The following IQSEC3 variants were observed in gnomAD, a reference collection of about 807,000 sequenced individuals.
IQSEC3 encodes IQ motif and SEC7 domain-containing protein 3.
A neutral mutation model predicts 105.4 loss-of-function variants in IQSEC3; 50 were observed. That is an observed-to-expected ratio of 0.47 (90% CI 0.38 to 0.60). IQSEC3 has a LOEUF of 0.60. Among genes scored for constraint, IQSEC3 ranks in the 20% least tolerant of loss-of-function variants. The pLI, the probability that IQSEC3 is intolerant of heterozygous loss-of-function variation, is 0.00. For synonymous variants in IQSEC3, 708 were observed against 746.0 expected (o/e 0.95, Z 0.83); for missense variants, 1,415 against 1,630.0 (o/e 0.87, Z 2.27).
At chr12:171,264 C>A in intron 13 of IQSEC3, 103 bp downstream of exon 13, 2 of 1,613,930 alleles carry the variant, frequency 1.2e-6, no homozygotes, top group East Asian at 4.5e-5. Context: ...TCAATGCCTC[C>A]CCAGCCCGAC....
intron 3 of IQSEC3, among the ~76,000 whole-genome samples, chr12:127,889 C>T (rs1159219060): frequency 6.6e-6 from 1 of 152,120 alleles, no homozygotes; most frequent in Non-Finnish European, 1.5e-5. Flanking sequence ...TAATTAGATC[C>T]CATTTGTCAA....
At chr12:116,750 G>A (rs11064563) in intron 2 of IQSEC3, among the ~76,000 whole-genome samples, 19,230 of 152,028 alleles carry the variant, frequency 0.13, 1,728 homozygotes, top group East Asian at 0.4. Flanking sequence ...AGGCTCCCAC[G>A]AGGCTCCTGA....
At position 129,587 on chromosome 12, in the gene IQSEC3, C is replaced by T. The variant is rs1446614992; in HGVS notation, c.903+3675C>T. On this transcript the variant is annotated intron_variant, in intron 3 of 13. Transcript: ENST00000538872. The stretch of plus-strand genomic sequence containing the variant: ...GGCCAAGGAGTGAGCATGCAGGTCC[C>T]TTTGGGGAGCCCTTTAGGAATAGAG... Among the ~76,000 whole-genome samples, 5 of 139,246 alleles carry T rather than the reference C, an allele frequency of 3.6e-5. No homozygotes were observed. The East Asian group carries it at 8.5e-4, about 24-fold the overall frequency. The allele number at this position is 139,246 out of a possible 152,430, so 91.4% of individuals were successfully genotyped here. A position where few individuals can be genotyped will look rare whatever the true frequency, so the allele number is the denominator to read the frequency against.
In IQSEC3 at chr12:161,953, G is replaced by C; in HGVS notation, c.2471G>C (p.Arg824Thr). 6.2e-7 allele frequency: 1 copy of C among 1,600,066 alleles called. No individual in the cohort carries two copies. The highest frequency in any genetic ancestry group is 1.7e-5 in the Admixed American group (1 of 59,414). Residue 824 changes from arginine to threonine, a missense_variant, in exon 8 of 14, where the codon AGG becomes ACG. By Grantham distance (71) the Arg-to-Thr change is moderately conservative. Around this residue, in one of 6 missense-constraint regions of IQSEC3, gnomAD observed 213 missense variants for 306.2 expected, o/e 0.70. Transcript: ENST00000538872. The stretch of plus-strand genomic sequence containing the variant: ...GTGGACGATGGCGCTGACATCCCCA[G>C]GGAGCTGGTGGTAGGCATCTATGAG... ...RGVDDGADIPRELVVGIYERI... is the reference protein window; with the variant it reads ...RGVDDGADIPTELVVGIYERI...
intron 1 of IQSEC3, among the ~76,000 whole-genome samples, chr12:78,608 G>A (rs1263803867): frequency 3.3e-5 from 5 of 152,130 alleles, no homozygotes; most frequent in African/African-American, 4.8e-5. Flanking sequence ...AGGGCTGTAG[G>A]TCTCCTCAGC....
At chr12:108,099 C>A (rs1344130574) in intron 2 of IQSEC3, among the ~76,000 whole-genome samples, 1 of 149,814 alleles carries the variant, frequency 6.7e-6, no homozygotes, top group African/African-American at 2.5e-5. Context: ...GTTCCCTAAC[C>A]CTAACCCTAA....
At chr12:163,463 C>T (rs1555097044) in intron 8 of IQSEC3, 31 bp from the exon 9 acceptor site, 1 of 1,576,534 alleles carries the variant, frequency 6.3e-7, no homozygotes, top group South Asian at 1.1e-5. Context: ...GGCCTCTGGT[C>T]TCTCCCGCTG....
chr12:126,572 T>C (rs183771173), intron 3 of IQSEC3, among the ~76,000 whole-genome samples: 35 of 151,500 alleles, frequency 2.3e-4, no homozygotes, highest in Admixed American at 6.6e-4. Context: ...TGTGTGTGTG[T>C]GCGCTTAGAG....
chr12:68,733 T>G (rs1306388896), intron 1 of IQSEC3, among the ~76,000 whole-genome samples: 1 of 152,196 alleles, frequency 6.6e-6, no homozygotes, highest in Non-Finnish European at 1.5e-5. Context: ...GGGAGATACT[T>G]GTGAATATTT....
chr12:75,010 G>A (rs1243800188), intron 1 of IQSEC3, among the ~76,000 whole-genome samples: 1 of 152,274 alleles, frequency 6.6e-6, no homozygotes, highest in East Asian at 1.9e-4. Context: ...ATAACCCCAG[G>A]GAGGTCCCCG....
intron 1 of IQSEC3, among the ~76,000 whole-genome samples, chr12:73,622 A>G (rs1361532560): frequency 1.3e-5 from 2 of 152,164 alleles, no homozygotes; most frequent in Non-Finnish European, 2.9e-5. Flanking sequence ...GTGAGCTGAG[A>G]TTGCGCCACT....
chr12:114,859 C>G (rs1865001702), intron 2 of IQSEC3, among the ~76,000 whole-genome samples: 1 of 152,210 alleles, frequency 6.6e-6, no homozygotes, highest in Non-Finnish European at 1.5e-5. Flanking sequence ...CAAAGTGTGT[C>G]CTGCAGAGAC....
intron 5 of IQSEC3, among the ~76,000 whole-genome samples, chr12:151,111 C>T (rs1310089614): frequency 1.5e-5 from 2 of 136,426 alleles, no homozygotes; most frequent in African/African-American, 5.3e-5. Flanking sequence ...TCCGTCTCTC[C>T]TCCAGCGTGT....
chr12:113,449 A>C (rs1864957187), intron 2 of IQSEC3, among the ~76,000 whole-genome samples: 1 of 152,278 alleles, frequency 6.6e-6, no homozygotes, highest in Non-Finnish European at 1.5e-5. Flanking sequence ...ACAGTGGAGC[A>C]GAGGCTTTAA....
chr12:172,271 G>A (rs1434410257), intron 13 of IQSEC3, among the ~76,000 whole-genome samples: 3 of 145,794 alleles, frequency 2.1e-5, no homozygotes, highest in Non-Finnish European at 4.5e-5. Context: ...ACCTTTACAA[G>A]GAGGAGCTTC....
At chr12:116,869 C>G (rs1470725617) in intron 2 of IQSEC3, among the ~76,000 whole-genome samples, 2 of 152,118 alleles carry the variant, frequency 1.3e-5, no homozygotes, top group Non-Finnish European at 2.9e-5. Flanking sequence ...AGGGAAGGAC[C>G]GACACAAATT....
chr12:84,066 C>T (rs1214671089), intron 1 of IQSEC3, among the ~76,000 whole-genome samples: 2 of 152,314 alleles, frequency 1.3e-5, no homozygotes, highest in South Asian at 4.1e-4. Context: ...TACACCCTGG[C>T]ATAGCTGTCC....
Position 125,775 on chromosome 12 carries a change from G to A in IQSEC3, c.766G>A (p.Gly256Arg). ...LQEEEERPGA[G>R]AASPRAGPQH... is the part of the protein sequence containing the mutation. Reference sequence around the variant, plus strand: ...GGAGGAGGAGGAGCGGCCGGGGGCAGGGGCTGCCTCCCCAAGGGCTGGCCC... The same window carrying A: ...GGAGGAGGAGGAGCGGCCGGGGGCAAGGGCTGCCTCCCCAAGGGCTGGCCC... Residue 256 changes from glycine to arginine, a missense_variant, in exon 3 of 14, where the codon GGG becomes AGG. By Grantham distance (125) the Gly-to-Arg change is moderately radical. Around this residue, in one of 6 missense-constraint regions of IQSEC3, gnomAD observed 720 missense variants for 633.0 expected, o/e 1.14. Coordinates refer to ENST00000538872, the MANE Select transcript of IQSEC3 (RefSeq NM_001170738.2). The A allele has an allele frequency of 5.9e-6, 9 of 1,513,948 alleles. No homozygotes were observed. The highest frequency in any genetic ancestry group is 7.9e-6 in the Non-Finnish European group (9 of 1,137,818). The allele number at this position is 1,513,948 out of a possible 1,614,324, so 93.8% of individuals were successfully genotyped here.
intron 2 of IQSEC3, among the ~76,000 whole-genome samples, chr12:113,366 A>C (rs1373790344): frequency 6.6e-6 from 1 of 152,268 alleles, no homozygotes; most frequent in East Asian, 1.9e-4. Flanking sequence ...CGGAGAAGAT[A>C]AGCAACTTGT....
Sources: gnomAD v4.1 joint callset for allele counts (sites outside exome capture counted in the v4.1 genomes callset) on GRCh38, gnomAD v4.1.1 for gene constraint, gnomAD v4.1.1 regional missense constraint, MANE v1.5 for transcripts, NCBI Gene and HGNC (gene_info 2026-07-23, HGNC 2026-07-21) for gene names.